The following ZNF69 variants were observed in gnomAD, a reference collection of about 807,000 sequenced individuals.
ZNF69 encodes zinc finger protein 69.
Under a neutral mutation model 50.9 loss-of-function variants are expected in ZNF69, and 47 were observed. The ratio of observed to expected loss-of-function variants is 0.92; its 90% CI spans 0.73 to 1.18. The LOEUF (loss-of-function observed/expected upper bound fraction) is 1.18, where lower values mean the gene tolerates loss of function less well. Among genes scored for constraint, ZNF69 ranks in the 50% most tolerant of loss-of-function variants. ZNF69 has a pLI of 0.00. For missense variants in ZNF69, 717 were observed against 675.1 expected (o/e 1.06, Z -0.69); for synonymous variants, 216 against 223.1 (o/e 0.97, Z 0.29).
intron 1 of ZNF69, among the ~76,000 whole-genome samples, chr19:11,889,511 G>C (rs1906911298): frequency 6.6e-6 from 1 of 152,134 alleles, no homozygotes; most frequent in Admixed American, 6.6e-5. Context: ...TGTCACTCAG[G>C]CTGGAGTGCA....
chr19:11,892,281 G>A (rs279192), intron 1 of ZNF69, among the ~76,000 whole-genome samples: 53,483 of 151,732 alleles, frequency 0.35, 10,811 homozygotes, highest in African/African-American at 0.55. Context: ...CACCTGGCTA[G>A]CAACTTAATT....
chr19:11,913,393 CT>C (rs34363657), intron 4 of ZNF69: 6,500 of 488,518 alleles, frequency 0.013, no homozygotes, highest in South Asian at 0.028. Flanking sequence ...TTTTTCTTAT[CT>C]TTTTTTTTTT....
the ZNF69 span, chr19:11,979,038 C>T: frequency 1.9e-6 from 3 of 1,614,198 alleles, no homozygotes; most frequent in Non-Finnish European, 2.5e-6. Flanking sequence ...TGAATGTAAG[C>T]AGTGTGGGAA....
At chr19:11,977,197 T>C in the ZNF69 span, 1 of 1,612,284 alleles carries the variant, frequency 6.2e-7, no homozygotes, top group Admixed American at 1.7e-5. Flanking sequence ...CCTCAGTCCA[T>C]TAGTGAACCA....
rs1388759731 is a variant in ZNF69 at position 11,904,641 on chromosome 19, T to A, written c.252-8T>A. On this transcript the variant is annotated splice_polypyrimidine_tract_variant and splice_region_variant and intron_variant, in intron 3 of 3. Coordinates refer to ENST00000429654, the MANE Select transcript of ZNF69 (RefSeq NM_001364730.1). ...AACCCTTTGTAATGTGCTTCTCATT[T>A]TTGACAGGAGTCTCATAGAAAAGAA... 6.2e-7 allele frequency: 1 copy of A among 1,608,272 alleles called. No individual in the cohort carries two copies. The highest frequency in any genetic ancestry group is 1.7e-5 in the Admixed American group (1 of 57,834).
chr19:11,956,465 C>A, the ZNF69 span: 2 of 397,272 alleles, frequency 5.0e-6, no homozygotes, highest in Admixed American at 8.8e-5. Context: ...AGAGATTTTG[C>A]CGGATTCTTC....
the ZNF69 span, chr19:11,949,735 A>C: frequency 6.2e-7 from 1 of 1,614,072 alleles, no homozygotes; most frequent in African/African-American, 1.3e-5. Flanking sequence ...GCAATGTGGG[A>C]AAGCCTTCAG....
chr19:11,927,694 A>G, the ZNF69 span, among the ~76,000 whole-genome samples: 11 of 152,348 alleles, frequency 7.2e-5, no homozygotes, highest in African/African-American at 2.2e-4. Flanking sequence ...GCATTAAAAC[A>G]TAACTATAAT....
chr19:11,930,983 G>T, the ZNF69 span, among the ~76,000 whole-genome samples: 6 of 137,288 alleles, frequency 4.4e-5, no homozygotes, highest in Admixed American at 4.3e-4. Flanking sequence ...AGGGCAACAA[G>T]AACAAAATTC....
the ZNF69 span, among the ~76,000 whole-genome samples, chr19:11,930,994 C>G: frequency 3.5e-5 from 5 of 143,092 alleles, no homozygotes; most frequent in Non-Finnish European, 7.4e-5. Flanking sequence ...AACAAAATTC[C>G]GTCTCAAAAA....
the ZNF69 span, among the ~76,000 whole-genome samples, chr19:11,961,294 A>G: frequency 6.6e-6 from 1 of 152,224 alleles, no homozygotes; most frequent in African/African-American, 2.4e-5. Flanking sequence ...TCTAGCTGCA[A>G]GCCAGGAAGA....
chr19:11,953,394 G>T, the ZNF69 span: 2 of 152,234 alleles, frequency 1.3e-5, no homozygotes, highest in African/African-American at 4.8e-5. Context: ...TGGAGCACAG[G>T]CCCAAAGGGT....
chr19:11,908,575 G>A (rs544680357), downstream of ZNF69, among the ~76,000 whole-genome samples: 9 of 152,212 alleles, frequency 5.9e-5, no homozygotes, highest in African/African-American at 2.2e-4. Flanking sequence ...AATGACTACT[G>A]GGTACATAAC....
chr19:11,951,168 AG>A, the ZNF69 span, among the ~76,000 whole-genome samples: 9 of 148,696 alleles, frequency 6.1e-5, no homozygotes, highest in African/African-American at 2.0e-4. Context: ...AAAAAAAAAA[AG>A]AAAGAAATTT....
the ZNF69 span, among the ~76,000 whole-genome samples, chr19:11,920,104 CTT>C: frequency 4.4e-5 from 6 of 137,218 alleles, no homozygotes; most frequent in South Asian, 2.4e-4. Flanking sequence ...GGAACTTTTA[CTT>C]TTTTTTTTTT....
At chr19:11,925,092 G>A in the ZNF69 span, 3 of 1,161,546 alleles carry the variant, frequency 2.6e-6, no homozygotes, top group Non-Finnish European at 3.7e-6. Flanking sequence ...ATCCGGAAAT[G>A]GAGGGGGTCG....
chr19:11,901,978 CTTTTTTT>C (rs58505422), intron 1 of ZNF69, among the ~76,000 whole-genome samples: 4 of 119,114 alleles, frequency 3.4e-5, no homozygotes, highest in East Asian at 2.3e-4. Context: ...ATGTTATTTT[CTTTTTTT>C]TTTTTTTTTT....
At chr19:11,979,314 A>G in the ZNF69 span, 12 of 1,608,732 alleles carry the variant, frequency 7.5e-6, no homozygotes, top group African/African-American at 8.1e-5. Flanking sequence ...GATGTGCCCC[A>G]CACCTTCGAA....
rs187554743 is a variant in ZNF69, at chr19:11,899,701, A to T, written c.64-3872A>T. ...AGTTATGAGTAAGGCTGCTAAAAACATTTGTGGGAGGACTTTTGTGTGGAC... is the reference window on the plus strand; with the variant it reads ...AGTTATGAGTAAGGCTGCTAAAAACTTTTGTGGGAGGACTTTTGTGTGGAC... On this transcript the variant is annotated intron_variant, in intron 1 of 3. Transcript: ENST00000429654. Among the ~76,000 whole-genome samples the T allele has an allele frequency of 5.3e-5, 8 of 152,156 alleles. No homozygotes were observed. The South Asian group carries it at 1.2e-3, about 24-fold the overall frequency.
Sources: allele counts gnomAD v4.1 joint callset (sites outside exome capture counted in the v4.1 genomes callset), GRCh38; gene constraint gnomAD v4.1.1; transcripts MANE v1.5; gene names NCBI Gene and HGNC (gene_info 2026-07-23, HGNC 2026-07-21).